The following LAMA1 variants were observed in gnomAD, a reference collection of about 807,000 sequenced individuals.
LAMA1 encodes the protein laminin subunit alpha-1.
LAMA1 carries 219 observed loss-of-function variants against 348.7 expected under a neutral mutation model. The ratio of observed to expected loss-of-function variants is 0.63; its 90% confidence interval spans 0.56 to 0.70. The LOEUF (loss-of-function observed/expected upper bound fraction) is 0.70, where lower values mean the gene tolerates loss of function less well. LAMA1 is among the 30% of genes least tolerant of loss of function. The probability of loss-of-function intolerance (pLI) is 0.00; values close to 1 mark genes in which losing one functional copy is unlikely to be tolerated. For missense variants in LAMA1, 3,744 were observed against 3,888.0 expected, an observed-to-expected ratio of 0.96 and a Z score of 0.99; for synonymous variants, 1,487 against 1,491.0, an observed-to-expected ratio of 1.00 and a Z score of 0.06.
intron 46 of LAMA1, among the ~76,000 whole-genome samples, chr18:6,974,520 G>A (rs970352215): frequency 2.1e-5 from 3 of 146,180 alleles, no homozygotes; most frequent in African/African-American, 7.7e-5. Context: ...GCAGTGGTAC[G>A]ACCTCCACTC....
intron 3 of LAMA1, among the ~76,000 whole-genome samples, chr18:7,053,435 G>A (rs954365787): frequency 6.6e-6 from 1 of 152,172 alleles, no homozygotes; most frequent in Non-Finnish European, 1.5e-5. Flanking sequence ...AGGGAAGGGA[G>A]AGAGTGAGGA....
At chr18:6,977,662 T>G in intron 44 of LAMA1, 65 bp downstream of exon 44, 2 of 1,597,708 alleles carry the variant, frequency 1.3e-6, no homozygotes, top group Non-Finnish European at 1.7e-6. Context: ...CATGTCTGCA[T>G]GAATTCCCTG....
intron 3 of LAMA1, among the ~76,000 whole-genome samples, chr18:7,054,976 T>C (rs1483575121): frequency 2.0e-5 from 3 of 152,136 alleles, no homozygotes; most frequent in Non-Finnish European, 2.9e-5. Flanking sequence ...GGTAACTGTT[T>C]ATGTTATCAG....
chr18:7,100,170 G>A (rs2058286025), intron 1 of LAMA1, among the ~76,000 whole-genome samples: 1 of 148,812 alleles, frequency 6.7e-6, no homozygotes. Context: ...TCTTAACTAA[G>A]AATATAAACA....
chr18:6,992,450 T>C (rs1006898335), intron 36 of LAMA1, 111 bp downstream of exon 36: 2 of 1,214,090 alleles, frequency 1.6e-6, no homozygotes, highest in Non-Finnish European at 2.4e-6. Flanking sequence ...TCTTAGGATA[T>C]TTCATTTCCA....
chr18:6,972,158 G>A (rs2057661316), intron 47 of LAMA1, 177 bp from the exon 48 acceptor site: 1 of 647,956 alleles, frequency 1.5e-6, no homozygotes, highest in Non-Finnish European at 2.7e-6. Context: ...GTTATGAAGT[G>A]GAATCCTAGA....
At chr18:7,037,218 T>C (rs2057999124) in intron 12 of LAMA1, among the ~76,000 whole-genome samples, 1 of 152,088 alleles carries the variant, frequency 6.6e-6, no homozygotes. Context: ...CACTAAGCCA[T>C]GGAGGCTCTA....
At position 6,976,031 on chromosome 18, in the gene LAMA1, G is replaced by T; in HGVS notation, c.6395C>A (p.Pro2132His). 1 of 1,614,170 alleles carries T rather than the reference G, an allele frequency of 6.2e-7. No homozygotes were observed. The highest frequency in any genetic ancestry group is 1.7e-5 in the Admixed American group (1 of 60,022). ...ADRDCIRAYQ[P>H]QISSTNYNTL... is the part of the protein sequence containing the mutation. ...ATTGTAGTTGGTAGAGGAAATCTGA[G>T]GCTGGTAGGCCCGGATGCAATCTCT... Residue 2132 changes from proline to histidine, a missense_variant, in exon 45 of 63, where the codon CCT becomes CAT. Physicochemically the swap from Pro to His is moderately conservative, Grantham distance 77 (BLOSUM62 -2). Around this residue, in one of 3 missense-constraint regions of LAMA1, gnomAD observed 1,983 missense variants for 1,934.3 expected, o/e 1.03. Transcript: ENST00000389658.
In LAMA1 at chr18:7,023,165, G is replaced by T. The variant is rs140067215; in HGVS notation, c.2700C>A (p.Arg900=). ...CTGACTTCACGCTCACGCACTCACC[G>T]CGGCAGTTCTTGGCTGTCACAGCGT... The part of the protein sequence containing the change: ...YGDAVTAKNC[R]ACECHVKGSH... Residue 900 remains arginine, a splice_region_variant and synonymous_variant, in exon 19 of 63, where the codon CGC becomes CGA. Transcript: ENST00000389658. 1 of 1,611,934 alleles carries T rather than the reference G, an allele frequency of 6.2e-7. No homozygotes were observed. Among genetic ancestry groups the T allele is most frequent in the East Asian group, 2.2e-5 (1 of 44,834 alleles).
intron 24 of LAMA1, 95 bp from the exon 25 acceptor site, chr18:7,011,574 C>G: frequency 8.6e-7 from 1 of 1,159,148 alleles, no homozygotes; most frequent in Non-Finnish European, 1.3e-6. Flanking sequence ...ACAGATGAAA[C>G]AGCTTCATTA....
At chr18:6,977,694 C>G (rs1207058155) in intron 44 of LAMA1, 33 bp downstream of exon 44, 5 of 1,613,104 alleles carry the variant, frequency 3.1e-6, no homozygotes, top group Non-Finnish European at 4.2e-6. Context: ...GACTGAGAGC[C>G]CAGTTACGAA....
chr18:7,094,498 T>G (rs2058252827), intron 1 of LAMA1, among the ~76,000 whole-genome samples: 1 of 151,928 alleles, frequency 6.6e-6, no homozygotes, highest in Non-Finnish European at 1.5e-5. Flanking sequence ...CACCCTGAGT[T>G]TAACCAATTC....
At chr18:7,052,955 G>A (rs536955347) in intron 3 of LAMA1, among the ~76,000 whole-genome samples, 8 of 152,266 alleles carry the variant, frequency 5.3e-5, no homozygotes, top group African/African-American at 1.7e-4. Context: ...AGGAGGCGGA[G>A]GTTGTAGTGA....
At chr18:7,046,243 G>T in intron 6 of LAMA1, 35 bp downstream of exon 6, 2 of 1,340,334 alleles carry the variant, frequency 1.5e-6, no homozygotes, top group South Asian at 1.2e-5. Context: ...TTTCTGTTTT[G>T]AAGTTTTAGT....
Position 6,965,405 on chromosome 18 carries a change from GA to G in LAMA1, c.7077del (p.Arg2360ValfsTer4). Reference protein sequence around the residue: ...GTKDFLSIELFRGRVKVMTDL... With the variant: ...GTKDFLSIELXRGRVKVMTDL... ...TCAGTCATAACCTTCACTCTGCCAC[GA>G]AACAGCTCGATGGATAAAAAGTCTT... is the stretch of plus-strand genomic sequence containing the variant. On this transcript the variant is annotated frameshift_variant, in exon 50 of 63. Transcript: ENST00000389658. LOFTEE classifies it high-confidence loss of function. 6.2e-7 allele frequency: 1 copy of G among 1,614,108 alleles called. No individual in the cohort carries two copies. The highest frequency in any genetic ancestry group is 1.1e-5 in the South Asian group (1 of 91,078).
chr18:6,980,563 G>A lies in LAMA1; in HGVS notation c.5965C>T (p.Gln1989Ter), dbSNP rs2144047886. Residue 1989 changes from glutamine to a stop codon, truncating the protein, a stop_gained, in exon 42 of 63, where the codon CAA becomes TAA. Coordinates refer to ENST00000389658, the MANE Select transcript of LAMA1 (RefSeq NM_005559.4). LOFTEE classifies it high-confidence loss of function. Reference sequence around the variant, plus strand: ...AGTATCAAGAGTGATTCATTGGTTTGCCTGGTAATTTCAACAGCATTCTCT... The same window carrying A: ...AGTATCAAGAGTGATTCATTGGTTTACCTGGTAATTTCAACAGCATTCTCT... The part of the protein sequence containing the change: ...FQENAVEITR[Q>*]TNESLLILRA... The A allele has an allele frequency of 6.2e-7, 1 of 1,613,332 alleles. No homozygotes were observed. Among genetic ancestry groups the A allele is most frequent in the Non-Finnish European group, 8.5e-7 (1 of 1,179,380 alleles).
At position 6,993,847 on chromosome 18, in the gene LAMA1, T is replaced by C. The variant is rs146384805; in HGVS notation, c.4897-95A>G. 3,284 of 775,764 alleles carry C rather than the reference T, an allele frequency of 4.2e-3. 13 individuals are homozygous for C. Among genetic ancestry groups the C allele is most frequent in the Non-Finnish European group, 5.4e-3 (2,275 of 425,118 alleles). 48.1% of individuals were successfully genotyped at this position (775,764 alleles called of 1,614,324 possible). On this transcript the variant is annotated intron_variant, in intron 34 of 62. Coordinates refer to ENST00000389658, the MANE Select transcript of LAMA1 (RefSeq NM_005559.4). The stretch of plus-strand genomic sequence containing the variant: ...GTTGTAATATTCCACTGTTGCCGCT[T>C]ATAAGCAACAACATATATTCCAGAA...
At chr18:7,096,556 G>A (rs2058261936) in intron 1 of LAMA1, among the ~76,000 whole-genome samples, 1 of 152,018 alleles carries the variant, frequency 6.6e-6, no homozygotes, top group South Asian at 2.1e-4. Flanking sequence ...TCAGGAAGCT[G>A]AAGTGGGAAG....
rs1227517301 is a variant in LAMA1 at position 6,976,145 on chromosome 18, T to A, written c.6346-65A>T. The A allele has an allele frequency of 2.0e-6, 3 of 1,496,368 alleles. No individual in the cohort carries two copies. The East Asian group carries it at 6.8e-5, about 34-fold the overall frequency. 92.7% of individuals were successfully genotyped at this position (1,496,368 alleles called of 1,614,324 possible). A position where few individuals can be genotyped will look rare whatever the true frequency, so the allele number is the denominator to read the frequency against. On this transcript the variant is annotated intron_variant, in intron 44 of 62. Coordinates refer to ENST00000389658, the MANE Select transcript of LAMA1 (RefSeq NM_005559.4). ...CACACACCGGCAGCTCACCAGCAGC[T>A]CAACAATGCTATTCTGTAATGAATT...
Sources: gnomAD v4.1 joint callset for allele counts (sites outside exome capture counted in the v4.1 genomes callset) on GRCh38, gnomAD v4.1.1 for gene constraint, gnomAD v4.1.1 regional missense constraint, MANE v1.5 for transcripts, NCBI Gene and HGNC (gene_info 2026-07-23, HGNC 2026-07-21) for gene names.